Variants in DIS3L2 observed in about 807,000 individuals in gnomAD.
The protein encoded by DIS3L2 is DIS3 like 3'-5' exoribonuclease 2.
In DIS3L2, 34 loss-of-function variants were observed where a neutral mutation model predicts 97.5. The observed-to-expected ratio is 0.35, with a 90% CI of 0.27 to 0.46. The LOEUF is 0.46. Ranked by LOEUF, DIS3L2 falls within the 20% of genes least tolerant of loss-of-function variation. The pLI is 1.00. For synonymous variants in DIS3L2, 435 were observed against 445.2 expected, an observed-to-expected ratio of 0.98 and a Z score of 0.29; for missense variants, 1,038 against 1,146.0, an observed-to-expected ratio of 0.91 and a Z score of 1.36.
At chr2:232,168,018 A>G (rs1453075840) in intron 9 of DIS3L2, among the ~76,000 whole-genome samples, 1 of 152,176 alleles carries the variant, frequency 6.6e-6, no homozygotes, top group African/African-American at 2.4e-5. Flanking sequence ...ACTGAACTCC[A>G]GCCTGGGTGA....
chr2:232,341,441 T>C (rs1262840300), downstream of DIS3L2, among the ~76,000 whole-genome samples: 2 of 152,166 alleles, frequency 1.3e-5, no homozygotes, highest in Admixed American at 6.5e-5. Flanking sequence ...CATGTGAAGA[T>C]AAGACCATGA....
rs1220828479 is a variant in DIS3L2, at chr2:232,293,955, A to G, written c.1660-6085A>G. 2.0e-5 allele frequency among the ~76,000 whole-genome samples: 3 copies of G among 152,216 alleles called. No individual in the cohort carries two copies. Among genetic ancestry groups the G allele is most frequent in the African/African-American group, 7.2e-5 (3 of 41,466 alleles). On this transcript the variant is annotated intron_variant, in intron 13 of 20. Transcript: ENST00000325385. The surrounding 1 kb of genome is among the most constrained non-coding windows in gnomAD (Gnocchi z 4.6). ...GAGAAGCATGAGCACAAATTACACA[A>G]GGGCAGTAGAGGGCCCGGAGGTGGC...
At chr2:232,076,335 A>T (rs1574855283) in intron 5 of DIS3L2, among the ~76,000 whole-genome samples, 1 of 152,202 alleles carries the variant, frequency 6.6e-6, no homozygotes, top group East Asian at 1.9e-4. Flanking sequence ...AGTCCAGTGG[A>T]TCTGCTTTCT....
At chr2:232,230,215 C>A (rs1692751931) in intron 10 of DIS3L2, among the ~76,000 whole-genome samples, 1 of 152,198 alleles carries the variant, frequency 6.6e-6, no homozygotes. Context: ...AGGGAATGTG[C>A]TTATCCCAAG....
chr2:232,199,902 T>C (rs947733526), intron 9 of DIS3L2, among the ~76,000 whole-genome samples: 5 of 152,146 alleles, frequency 3.3e-5, no homozygotes, highest in African/African-American at 1.2e-4. Context: ...ATTTCTAAAA[T>C]TGAAATCAAG....
chr2:232,316,975 A>G lies in DIS3L2; in HGVS notation c.1740-12838A>G, dbSNP rs1695293223. ...TTCCTTTGGGCTTTTTTCCTGGTGA[A>G]TTTCCCAGCTGTTAGTGTCATCGAG... On this transcript the variant is annotated intron_variant, in intron 14 of 20. Transcript: ENST00000325385. 4.6e-5 allele frequency among the ~76,000 whole-genome samples: 7 copies of G among 152,176 alleles called. No individual in the cohort carries two copies. In the South Asian group the frequency reaches 1.5e-3, roughly 32 times the overall value.
At chr2:232,102,672 A>G (rs1389311301) in intron 6 of DIS3L2, among the ~76,000 whole-genome samples, 1 of 152,220 alleles carries the variant, frequency 6.6e-6, no homozygotes, top group Middle Eastern at 3.2e-3. Context: ...TGTTCATAAT[A>G]TCACTGTTTC....
intron 7 of DIS3L2, 152 bp downstream of exon 7, chr2:232,130,871 ACTTT>A: frequency 2.6e-6 from 3 of 1,159,102 alleles, no homozygotes; most frequent in Middle Eastern, 2.0e-4. Flanking sequence ...AAAAAAAAAA[ACTTT>A]AAACATATAA....
chr2:232,267,095 A>G (rs939710159), intron 13 of DIS3L2, among the ~76,000 whole-genome samples: 1 of 152,204 alleles, frequency 6.6e-6, no homozygotes, highest in Non-Finnish European at 1.5e-5. Flanking sequence ...GCAGTTGGCA[A>G]CTTAGACCGG....
exon 14 of DIS3L2, chr2:232,343,584 G>A (rs1224788450): frequency 1.3e-6 from 2 of 1,575,606 alleles, no homozygotes; most frequent in South Asian, 2.3e-5. Flanking sequence ...GAAGAAGCAT[G>A]TGGAATTCCT....
At chr2:232,021,533 C>G (rs983672496) in intron 3 of DIS3L2, among the ~76,000 whole-genome samples, 10 of 151,436 alleles carry the variant, frequency 6.6e-5, no homozygotes, top group African/African-American at 2.4e-4. Flanking sequence ...GTTAGGGGAG[C>G]AAATGGTAGT....
chr2:232,337,238 C>G (rs543222269), downstream of DIS3L2: 188 of 979,852 alleles, frequency 1.9e-4, no homozygotes, highest in Non-Finnish European at 2.2e-4. Context: ...CTGTGTCTGA[C>G]GAATGTGACT....
At chr2:232,089,956 G>C (rs932086389) in intron 6 of DIS3L2, among the ~76,000 whole-genome samples, 3 of 152,072 alleles carry the variant, frequency 2.0e-5, no homozygotes, top group Non-Finnish European at 4.4e-5. Flanking sequence ...TTGAGATAGG[G>C]TCTCACTTTT....
chr2:232,070,933 G>A (rs560058422), intron 5 of DIS3L2, among the ~76,000 whole-genome samples: 24 of 152,144 alleles, frequency 1.6e-4, no homozygotes, highest in African/African-American at 5.3e-4. Flanking sequence ...AGGAGAGAGG[G>A]CACATGTTAC....
chr2:231,990,807 T>C (rs1452275555), intron 1 of DIS3L2, among the ~76,000 whole-genome samples: 1 of 152,206 alleles, frequency 6.6e-6, no homozygotes, highest in Non-Finnish European at 1.5e-5. Context: ...GTATCCTTCA[T>C]GTACTTCCTG....
intron 3 of DIS3L2, among the ~76,000 whole-genome samples, chr2:232,016,514 A>C (rs936709265): frequency 6.6e-6 from 1 of 152,064 alleles, no homozygotes; most frequent in Non-Finnish European, 1.5e-5. Context: ...GGCTTCCTGG[A>C]GTTGGTGACC....
chr2:232,340,177 G>A (rs1286286791), downstream of DIS3L2, among the ~76,000 whole-genome samples: 3 of 152,226 alleles, frequency 2.0e-5, no homozygotes, highest in Non-Finnish European at 4.4e-5. Flanking sequence ...CATACCGCAT[G>A]GCAGGTGAGA....
At chr2:232,093,004 A>G (rs1251409117) in intron 6 of DIS3L2, among the ~76,000 whole-genome samples, 1 of 152,108 alleles carries the variant, frequency 6.6e-6, no homozygotes, top group Admixed American at 6.6e-5. Context: ...TTCCCCATTC[A>G]GTTTGATATT....
intron 13 of DIS3L2, among the ~76,000 whole-genome samples, chr2:232,279,504 GTGTTTGTT>G (rs112447261): frequency 0.4 from 59,494 of 149,522 alleles, 12,015 homozygotes; most frequent in East Asian, 0.46. Flanking sequence ...ATTGGTGTGT[GTGTTTGTT>G]TGTTTGTTTG....
Sources: gnomAD v4.1 joint callset for allele counts (sites outside exome capture counted in the v4.1 genomes callset) on GRCh38, gnomAD v4.1.1 for gene constraint, Gnocchi (gnomAD v3.1) non-coding constraint, MANE v1.5 for transcripts, NCBI Gene and HGNC (gene_info 2026-07-23, HGNC 2026-07-21) for gene names.